Variants in FANCB observed in about 807,000 individuals in gnomAD.
The protein encoded by FANCB is Fanconi anemia group B protein.
Under a neutral mutation model 38.9 loss-of-function variants are expected in FANCB, and 5 were observed. That is an observed-to-expected ratio of 0.13 (90% CI 0.07 to 0.27). FANCB has a LOEUF of 0.27. FANCB is among the 10% of genes least tolerant of loss of function. The pLI is 1.00. For synonymous variants in FANCB, 236 were observed against 215.4 expected (o/e 1.10, Z -0.84); for missense variants, 573 against 602.7 (o/e 0.95, Z 0.52).
the FANCB span, among the ~76,000 whole-genome samples, chrX:14,807,912 T>A: frequency 7.2e-5 from 8 of 111,598 alleles, no homozygotes; most frequent in African/African-American, 2.6e-4. Context: ...ATTCAAAGGA[T>A]CATTAATGGC....
chrX:14,869,837 C>T (rs1026915761), intron 1 of FANCB, among the ~76,000 whole-genome samples: 1 of 112,099 alleles, frequency 8.9e-6, no homozygotes, highest in Admixed American at 9.4e-5. Flanking sequence ...AATCCTAATT[C>T]GACCTGCTTT....
chrX:14,698,992 G>C, the FANCB span, among the ~76,000 whole-genome samples: 1 of 111,575 alleles, frequency 9.0e-6, no homozygotes, highest in African/African-American at 3.3e-5. Flanking sequence ...GCAACTAGGT[G>C]TATTTGCTTT....
At chrX:14,749,741 G>A in the FANCB span, among the ~76,000 whole-genome samples, 2 of 111,916 alleles carry the variant, frequency 1.8e-5, no homozygotes, top group Non-Finnish European at 3.8e-5. Flanking sequence ...AAAGGGCAAT[G>A]AACTGGAGCC....
chrX:14,710,876 C>T, the FANCB span, among the ~76,000 whole-genome samples: 10 of 112,073 alleles, frequency 8.9e-5, no homozygotes, highest in African/African-American at 3.2e-4. Context: ...CACCTAGTCC[C>T]CTAACCCATT....
the FANCB span, among the ~76,000 whole-genome samples, chrX:14,710,147 T>C: frequency 1.8e-5 from 2 of 111,593 alleles, no homozygotes; most frequent in African/African-American, 6.5e-5. Context: ...CAGGAAGACA[T>C]CGAGGGCCAG....
At chrX:14,730,783 G>T in the FANCB span, 2 of 256,186 alleles carry the variant, frequency 7.8e-6, no homozygotes, top group Non-Finnish European at 1.4e-5. Flanking sequence ...CATGATATGC[G>T]CATCATTCAG....
chrX:14,865,293 T>C lies in FANCB; in HGVS notation c.218A>G (p.His73Arg). 3.4e-6 allele frequency: 4 copies of C among 1,160,232 alleles called. No homozygotes were observed. In the South Asian group the frequency reaches 8.2e-5, roughly 24 times the overall value. The change falls in exon 3 of 10, where the codon CAT becomes CGT. Residue 73 changes from histidine to arginine, a missense_variant. By Grantham distance (29) the His-to-Arg change is conservative. Coordinates refer to ENST00000650831, the MANE Select transcript of FANCB (RefSeq NM_001018113.3). ...ACAGTTGCAACACATGATTTTTAAA[T>C]GAGAGTTTTCTTCCTTTATGGTAAA... ...GFFTIKEENS[H>R]LKIMCCNCVS...
chrX:14,754,400 C>T, the FANCB span, among the ~76,000 whole-genome samples: 1 of 112,436 alleles, frequency 8.9e-6, no homozygotes, highest in Non-Finnish European at 1.9e-5. Flanking sequence ...GGCCACAGTG[C>T]TATATTCTAC....
At chrX:14,858,099 G>A in intron 4 of FANCB, 145 bp from the exon 5 acceptor site, 1 of 443,078 alleles carries the variant, frequency 2.3e-6, no homozygotes, top group Admixed American at 3.9e-5. Context: ...TTTTATAAAA[G>A]GCAAACTATA....
chrX:14,707,377 GAGCAAGCAAGATTATGCACGTGA>G, the FANCB span, among the ~76,000 whole-genome samples: 1 of 111,336 alleles, frequency 9.0e-6, no homozygotes, highest in East Asian at 2.8e-4. Flanking sequence ...CTGCTGTTAG[GAGCAAGCAAGATTATGCACGTGA>G]AGAACAGTGC....
the FANCB span, among the ~76,000 whole-genome samples, chrX:14,755,417 A>G: frequency 3.6e-5 from 4 of 111,967 alleles, no homozygotes; most frequent in African/African-American, 1.3e-4. Flanking sequence ...ACACACATAA[A>G]AACTGTTAGA....
chrX:14,812,212 G>C, the FANCB span, among the ~76,000 whole-genome samples: 2 of 110,594 alleles, frequency 1.8e-5, no homozygotes, highest in Non-Finnish European at 3.8e-5. Flanking sequence ...AGAGAAAGCA[G>C]GAAAGATCCA....
intron 2 of FANCB, 76 bp downstream of exon 2, chrX:14,868,837 ACATCAAATTG>A (rs2092482175): frequency 8.9e-6 from 1 of 112,147 alleles, no homozygotes; most frequent in Non-Finnish European, 1.9e-5. Flanking sequence ...ATGTATCAAA[ACATCAAATTG>A]CACTCTCTAG....
chrX:14,726,200 T>C, the FANCB span, among the ~76,000 whole-genome samples: 1 of 112,391 alleles, frequency 8.9e-6, no homozygotes, highest in Non-Finnish European at 1.9e-5. Context: ...CATATAGGAA[T>C]CTTGTCATAT....
chrX:14,860,999 C>T (rs185787291), intron 3 of FANCB, among the ~76,000 whole-genome samples: 77 of 111,063 alleles, frequency 6.9e-4, no homozygotes, highest in African/African-American at 9.2e-4. Flanking sequence ...CTTCCCACCT[C>T]GGCCTCCCAA....
At chrX:14,801,638 A>ATG in the FANCB span, among the ~76,000 whole-genome samples, 2 of 110,997 alleles carry the variant, frequency 1.8e-5, no homozygotes, top group African/African-American at 6.5e-5. Context: ...CCGTGTGTGC[A>ATG]TGTGTGTGTG....
chrX:14,866,716 C>T (rs1219241860), intron 2 of FANCB, among the ~76,000 whole-genome samples: 3 of 111,858 alleles, frequency 2.7e-5, no homozygotes, highest in African/African-American at 9.7e-5. Flanking sequence ...CTATGAACTG[C>T]ATACAAGAAA....
At chrX:14,827,230 A>C in the FANCB span, among the ~76,000 whole-genome samples, 1 of 111,379 alleles carries the variant, frequency 9.0e-6, no homozygotes, top group Non-Finnish European at 1.9e-5. Flanking sequence ...AAATTTTTCC[A>C]CAGAATTTTA....
chrX:14,762,096 G>T, the FANCB span, among the ~76,000 whole-genome samples: 1 of 111,071 alleles, frequency 9.0e-6, no homozygotes, highest in Non-Finnish European at 1.9e-5. Flanking sequence ...TCTGCTAAGG[G>T]CCTGTTCCCT....
Sources: gnomAD v4.1 joint callset for allele counts (sites outside exome capture counted in the v4.1 genomes callset) on GRCh38, gnomAD v4.1.1 for gene constraint, MANE v1.5 for transcripts, NCBI Gene and HGNC (gene_info 2026-07-23, HGNC 2026-07-21) for gene names.